Variants in IGSF5 observed in about 807,000 individuals in gnomAD.
The protein encoded by IGSF5 is immunoglobulin superfamily 5 like.
In IGSF5, 41 loss-of-function variants were observed where a neutral mutation model predicts 39.4. That is an observed-to-expected ratio of 1.04 (90% CI 0.81 to 1.35). The LOEUF is 1.35. Among genes scored for constraint, IGSF5 ranks in the 40% most tolerant of loss-of-function variants. IGSF5 has a pLI of 0.00. For synonymous variants in IGSF5, 183 were observed against 175.3 expected (o/e 1.04, Z -0.34); for missense variants, 487 against 494.6 (o/e 0.98, Z 0.15).
the IGSF5 span, among the ~76,000 whole-genome samples, chr21:39,717,697 T>TA: frequency 2.6e-5 from 4 of 152,336 alleles, no homozygotes; most frequent in Non-Finnish European, 4.4e-5. Context: ...TCCATTGGTC[T>TA]ATATGCCTGT....
chr21:39,777,295 T>C (rs1569255211), intron 4 of IGSF5, among the ~76,000 whole-genome samples: 1 of 152,150 alleles, frequency 6.6e-6, no homozygotes, highest in Non-Finnish European at 1.5e-5. Context: ...GTGTTTACAT[T>C]GTGGCTGCGT....
In IGSF5 at chr21:39,765,812, G is replaced by A. The variant is rs1344643658; in HGVS notation, c.378G>A (p.Gln126=). 5.6e-6 allele frequency: 9 copies of A among 1,613,878 alleles called. No homozygotes were observed. Among genetic ancestry groups the A allele is most frequent in the Non-Finnish European group, 7.6e-6 (9 of 1,179,946 alleles). ...CGGGGAACATCAGATGCAGCCTCCA[G>A]AACAGTCGCCTGCATGGATCTGCTT... is the stretch of plus-strand genomic sequence containing the variant. ...SDSGNIRCSL[Q]NSRLHGSAYL... Residue 126 remains glutamine, a synonymous_variant, in exon 3 of 9, where the codon CAG becomes CAA. Transcript: ENST00000380588.
upstream of IGSF5, among the ~76,000 whole-genome samples, chr21:39,741,996 A>G (rs2079950585): frequency 6.6e-6 from 1 of 151,946 alleles, no homozygotes; most frequent in Non-Finnish European, 1.5e-5. Context: ...GTCCTTAACA[A>G]TCTTTTGGAG....
At chr21:39,756,344 C>G (rs1203367479) in intron 2 of IGSF5, among the ~76,000 whole-genome samples, 1 of 152,202 alleles carries the variant, frequency 6.6e-6, no homozygotes, top group Non-Finnish European at 1.5e-5. Context: ...GATGAGATGT[C>G]CGCAGATCAA....
the IGSF5 span, among the ~76,000 whole-genome samples, chr21:39,717,661 C>T: frequency 1.3e-5 from 2 of 152,092 alleles, no homozygotes; most frequent in Admixed American, 6.6e-5. Flanking sequence ...AGATGTGCAG[C>T]CTTATTTCTG....
the IGSF5 span, among the ~76,000 whole-genome samples, chr21:39,720,448 T>C: frequency 3.3e-5 from 5 of 152,204 alleles, no homozygotes; most frequent in Non-Finnish European, 7.3e-5. Flanking sequence ...GGTTCCCATA[T>C]ACTCCATACC....
At chr21:39,719,428 G>C in the IGSF5 span, among the ~76,000 whole-genome samples, 9 of 152,202 alleles carry the variant, frequency 5.9e-5, no homozygotes, top group East Asian at 1.9e-4. Flanking sequence ...AATGGGTGTA[G>C]GGGGTGCCTG....
At chr21:39,794,950 T>C (rs1025027158) in intron 8 of IGSF5, among the ~76,000 whole-genome samples, 2 of 152,112 alleles carry the variant, frequency 1.3e-5, no homozygotes, top group African/African-American at 4.8e-5. Flanking sequence ...TTTTCAGGCC[T>C]GTAGGGGGGA....
the IGSF5 span, among the ~76,000 whole-genome samples, chr21:39,721,619 T>G: frequency 1.3e-5 from 2 of 152,146 alleles, no homozygotes; most frequent in Non-Finnish European, 2.9e-5. Context: ...AGTGTTTGAT[T>G]GAATAATTGG....
chr21:39,770,797 T>C (rs1490563508), intron 3 of IGSF5, 119 bp from the exon 4 acceptor site: 14 of 663,920 alleles, frequency 2.1e-5, no homozygotes, highest in African/African-American at 4.2e-5. Flanking sequence ...CTTGGGAAAA[T>C]AGGTCTCACA....
chr21:39,784,732 T>G (rs1264144423), intron 5 of IGSF5, among the ~76,000 whole-genome samples: 1 of 152,098 alleles, frequency 6.6e-6, no homozygotes, highest in Non-Finnish European at 1.5e-5. Flanking sequence ...TGCTATACCT[T>G]TACATAAGTG....
chr21:39,724,278 A>AT, the IGSF5 span, among the ~76,000 whole-genome samples: 11 of 152,064 alleles, frequency 7.2e-5, no homozygotes, highest in Non-Finnish European at 1.5e-4. Flanking sequence ...TACATTTCTC[A>AT]TTTTCCTTTG....
intron 2 of IGSF5, among the ~76,000 whole-genome samples, chr21:39,757,316 T>C (rs2080036278): frequency 6.6e-6 from 1 of 151,750 alleles, no homozygotes; most frequent in Non-Finnish European, 1.5e-5. Context: ...GGCAGGAGTT[T>C]TTTCTCAGTG....
At chr21:39,784,133 A>G (rs461583) in intron 5 of IGSF5, among the ~76,000 whole-genome samples, 91,757 of 152,128 alleles carry the variant, frequency 0.6, 30,194 homozygotes, top group Non-Finnish European at 0.73. Flanking sequence ...GAAAGGCAGT[A>G]AACTCCTGTT....
At chr21:39,775,019 G>A (rs79402296) in intron 4 of IGSF5, among the ~76,000 whole-genome samples, 3,625 of 152,284 alleles carry the variant, frequency 0.024, 139 homozygotes, top group African/African-American at 0.082. Flanking sequence ...TAAATATGCT[G>A]AGGCTCAGCC....
chr21:39,764,535 T>G (rs1187520010), intron 2 of IGSF5, among the ~76,000 whole-genome samples: 1 of 152,238 alleles, frequency 6.6e-6, no homozygotes, highest in East Asian at 1.9e-4. Context: ...AGATGGGGTT[T>G]CACCATGTTA....
chr21:39,799,754 C>T (rs1205260424), intron 8 of IGSF5, among the ~76,000 whole-genome samples: 1 of 152,098 alleles, frequency 6.6e-6, no homozygotes, highest in Admixed American at 6.5e-5. Flanking sequence ...GGCATCCTAC[C>T]AGGGACACTC....
At chr21:39,800,773 G>A (rs548694306) in intron 8 of IGSF5, among the ~76,000 whole-genome samples, 2 of 152,298 alleles carry the variant, frequency 1.3e-5, no homozygotes, top group South Asian at 4.1e-4. Context: ...AGGATTAAAT[G>A]GTTTGTTTGG....
At chr21:39,793,374 A>G (rs464574) in intron 7 of IGSF5, among the ~76,000 whole-genome samples, 160 bp from the exon 8 acceptor site, 121,132 of 152,128 alleles carry the variant, frequency 0.8, 48,379 homozygotes, top group Admixed American at 0.84. Context: ...CATTCTAAAG[A>G]GATGGGATCT....
Sources: allele counts gnomAD v4.1 joint callset (sites outside exome capture counted in the v4.1 genomes callset), GRCh38; gene constraint gnomAD v4.1.1; transcripts MANE v1.5; gene names NCBI Gene and HGNC (gene_info 2026-07-23, HGNC 2026-07-21).